PRKN: variants seen among roughly 807,000 people sequenced by gnomAD.
The protein encoded by PRKN is parkin RBR E3 ubiquitin protein ligase.
In PRKN, 56 loss-of-function variants were observed where a neutral mutation model predicts 59.5. That is an observed-to-expected ratio of 0.94 (90% CI 0.76 to 1.18). The LOEUF (loss-of-function observed/expected upper bound fraction) is 1.18. Among genes scored for constraint, PRKN ranks in the 50% most tolerant of loss-of-function variants. PRKN has a pLI of 0.00. For synonymous variants in PRKN, 250 were observed against 222.1 expected (o/e 1.13, Z -1.12); for missense variants, 657 against 596.4 (o/e 1.10, Z -1.06).
In PRKN at chr6:161,610,332, A is replaced by G. The variant is rs1301987929; in HGVS notation, c.872-40916T>C. On this transcript the variant is annotated intron_variant, in intron 7 of 11. Coordinates refer to ENST00000366898, the MANE Select transcript of PRKN (RefSeq NM_004562.3). ...CTGCCCATAGGGAGTTATCTTTTGT[A>G]AGGTCCTTCAGCACCACCAAAATAC... Among the ~76,000 whole-genome samples the G allele has an allele frequency of 3.3e-5, 5 of 152,036 alleles. No individual in the cohort carries two copies. The East Asian group carries it at 9.6e-4, about 29-fold the overall frequency.
chr6:162,144,270 A>G (rs924264051), intron 4 of PRKN, among the ~76,000 whole-genome samples: 8 of 152,218 alleles, frequency 5.3e-5, no homozygotes, highest in African/African-American at 1.2e-4. Flanking sequence ...CCATCATGAT[A>G]AAAACACATA....
intron 7 of PRKN, among the ~76,000 whole-genome samples, chr6:161,696,467 G>A (rs1786026114): frequency 6.6e-6 from 1 of 152,186 alleles, no homozygotes; most frequent in Non-Finnish European, 1.5e-5. Flanking sequence ...TTTTCAACAT[G>A]CCAGATGTCC....
Position 161,783,276 on chromosome 6 carries a change from TA to T in PRKN, c.871+2495del, listed in dbSNP as rs879313400. ...GTATAACTAATATTGCATTTGTACT[TA>T]AAAAAAAAAAAGTCTCCTAGCTTAT... On this transcript the variant is annotated intron_variant, in intron 7 of 11. Transcript: ENST00000366898. Among the ~76,000 whole-genome samples, 650 of 143,632 alleles carry T rather than the reference TA, an allele frequency of 4.5e-3. 2 individuals carry two copies. Among genetic ancestry groups the T allele is most frequent in the Middle Eastern group, 0.011 (3 of 284 alleles). 94.2% of individuals were successfully genotyped at this position (143,632 alleles called of 152,430 possible).
At chr6:162,139,626 C>T (rs1443002275) in intron 4 of PRKN, among the ~76,000 whole-genome samples, 1 of 152,188 alleles carries the variant, frequency 6.6e-6, no homozygotes, top group Non-Finnish European at 1.5e-5. Flanking sequence ...AAAACTAGCA[C>T]TGGGAATGAC....
intron 4 of PRKN, among the ~76,000 whole-genome samples, chr6:162,099,779 C>T (rs1162232472): frequency 6.6e-6 from 1 of 152,008 alleles, no homozygotes; most frequent in Non-Finnish European, 1.5e-5. Context: ...GTGACAACAC[C>T]GAATATCTAG....
chr6:162,224,548 T>C (rs937530456), intron 3 of PRKN, among the ~76,000 whole-genome samples: 1 of 152,150 alleles, frequency 6.6e-6, no homozygotes, highest in African/African-American at 2.4e-5. Flanking sequence ...CTAATGTGCA[T>C]GTGGGGAAGG....
chr6:161,628,344 T>C (rs1783171035), intron 7 of PRKN, among the ~76,000 whole-genome samples: 1 of 152,206 alleles, frequency 6.6e-6, no homozygotes, highest in African/African-American at 2.4e-5. Context: ...AAGGTGATGG[T>C]GGAGTCTGTG....
intron 4 of PRKN, among the ~76,000 whole-genome samples, chr6:162,168,786 G>A (rs1783113659): frequency 6.6e-6 from 1 of 152,060 alleles, no homozygotes; most frequent in African/African-American, 2.4e-5. Flanking sequence ...AGGAACAGAG[G>A]TTTGTGACCA....
At chr6:162,419,465 A>G (rs1213088720) in intron 2 of PRKN, among the ~76,000 whole-genome samples, 1 of 152,158 alleles carries the variant, frequency 6.6e-6, no homozygotes, top group East Asian at 1.9e-4. Context: ...ATAAATGTAC[A>G]AGAATAAGAC....
At chr6:162,286,113 T>G (rs1402242582) in intron 2 of PRKN, among the ~76,000 whole-genome samples, 1 of 152,152 alleles carries the variant, frequency 6.6e-6, no homozygotes, top group Non-Finnish European at 1.5e-5. Context: ...CAGCCAAAAT[T>G]TTAAAATGAT....
In PRKN at chr6:162,278,447, T is replaced by G. The variant is rs1357408902; in HGVS notation, c.172-15682A>C. On this transcript the variant is annotated intron_variant, in intron 2 of 11. Transcript: ENST00000366898. Reference sequence around the variant, plus strand: ...CATGTAAGCTATAAATGTGAAGTGATTACAATGTGTCAATTTAGGTTTATC... The same window carrying G: ...CATGTAAGCTATAAATGTGAAGTGAGTACAATGTGTCAATTTAGGTTTATC... Among the ~76,000 whole-genome samples, 3 of 152,126 alleles carry G rather than the reference T, an allele frequency of 2.0e-5. No homozygotes were observed. The East Asian group carries it at 5.8e-4, about 29-fold the overall frequency.
chr6:162,670,969 T>C (rs1309600851), intron 1 of PRKN, among the ~76,000 whole-genome samples: 2 of 152,174 alleles, frequency 1.3e-5, no homozygotes, highest in African/African-American at 4.8e-5. Flanking sequence ...GTGATATCAA[T>C]ACCATTCGAT....
chr6:161,563,982 T>C (rs1780545652), intron 8 of PRKN, among the ~76,000 whole-genome samples: 1 of 152,222 alleles, frequency 6.6e-6, no homozygotes, highest in Non-Finnish European at 1.5e-5. Context: ...TTCTAAGAGA[T>C]GATTGAGCTT....
At chr6:161,794,725 T>C (rs1218636235) in intron 6 of PRKN, among the ~76,000 whole-genome samples, 2 of 152,094 alleles carry the variant, frequency 1.3e-5, no homozygotes, top group Non-Finnish European at 2.9e-5. Flanking sequence ...CAGGCAAGAC[T>C]CCTCCTCTTA....
At chr6:162,162,674 G>T (rs1269665653) in intron 4 of PRKN, among the ~76,000 whole-genome samples, 1 of 152,100 alleles carries the variant, frequency 6.6e-6, no homozygotes. Flanking sequence ...AAACAAGCAA[G>T]AATGCAAAAA....
intron 4 of PRKN, among the ~76,000 whole-genome samples, chr6:162,111,122 C>A (rs1306744036): frequency 2.0e-5 from 3 of 152,086 alleles, no homozygotes; most frequent in Admixed American, 2.0e-4. Flanking sequence ...AATAATATCA[C>A]TGAGTCAACG....
At chr6:161,555,839 T>G (rs1780217671) in intron 8 of PRKN, among the ~76,000 whole-genome samples, 1 of 152,198 alleles carries the variant, frequency 6.6e-6, no homozygotes, top group Non-Finnish European at 1.5e-5. Flanking sequence ...TCTAACTCCA[T>G]TAAGTGACAA....
At chr6:161,957,236 T>C (rs1397220331) in intron 6 of PRKN, among the ~76,000 whole-genome samples, 1 of 152,196 alleles carries the variant, frequency 6.6e-6, no homozygotes, top group Non-Finnish European at 1.5e-5. Context: ...ACGTGAATGT[T>C]GTTTCTGAAC....
chr6:162,613,254 G>T (rs1171906342), intron 1 of PRKN, among the ~76,000 whole-genome samples: 1 of 152,182 alleles, frequency 6.6e-6, no homozygotes, highest in Non-Finnish European at 1.5e-5. Flanking sequence ...TAAATTAAGA[G>T]AGAGAATGAA....
Sources: gnomAD v4.1 joint callset for allele counts (sites outside exome capture counted in the v4.1 genomes callset) on GRCh38, gnomAD v4.1.1 for gene constraint, MANE v1.5 for transcripts, NCBI Gene and HGNC (gene_info 2026-07-23, HGNC 2026-07-21) for gene names.